The following IMMP2L variants were observed in gnomAD, a reference collection of about 807,000 sequenced individuals.
IMMP2L encodes inner mitochondrial membrane peptidase subunit 2, also known as mitochondrial inner membrane protease subunit 2.
A neutral mutation model predicts 19.3 loss-of-function variants in IMMP2L; 18 were observed. That is an observed-to-expected ratio of 0.93 (90% CI 0.64 to 1.38). IMMP2L has a LOEUF of 1.38. IMMP2L is among the 40% of genes most tolerant of loss of function. The probability of loss-of-function intolerance (pLI) is 0.00; values close to 1 mark genes in which losing one functional copy is unlikely to be tolerated. For missense variants in IMMP2L, 233 were observed against 218.2 expected, an observed-to-expected ratio of 1.07 and a Z score of -0.43; for synonymous variants, 76 against 73.0, an observed-to-expected ratio of 1.04 and a Z score of -0.21.
chr7:111,224,875 T>C (rs1467171821), intron 3 of IMMP2L, among the ~76,000 whole-genome samples: 1 of 152,210 alleles, frequency 6.6e-6, no homozygotes, highest in Middle Eastern at 3.4e-3. Context: ...GCAAGCAAAG[T>C]CTGTTTTATT....
chr7:110,783,931 T>C (rs1406602566), intron 5 of IMMP2L, among the ~76,000 whole-genome samples: 4 of 151,868 alleles, frequency 2.6e-5, no homozygotes, highest in East Asian at 3.9e-4. Flanking sequence ...TAAAAAGACA[T>C]TGGACTAGCC....
intron 3 of IMMP2L, among the ~76,000 whole-genome samples, chr7:111,399,781 T>C (rs37680): frequency 0.09 from 13,695 of 152,176 alleles, 754 homozygotes; most frequent in African/African-American, 0.14. Flanking sequence ...CATTTAAACA[T>C]GTACTAGCAT....
chr7:111,163,109 GA>G (rs1698503412), intron 3 of IMMP2L, among the ~76,000 whole-genome samples: 1 of 151,966 alleles, frequency 6.6e-6, no homozygotes, highest in Non-Finnish European at 1.5e-5. Flanking sequence ...TTTCCTCAAG[GA>G]CCTGAGCGCT....
chr7:111,207,533 GGT>G (rs1586830647), intron 3 of IMMP2L, among the ~76,000 whole-genome samples: 2 of 124,096 alleles, frequency 1.6e-5, no homozygotes, highest in African/African-American at 6.1e-5. Flanking sequence ...TTTTATTTTT[GGT>G]TTTTTTTTTT....
intron 4 of IMMP2L, among the ~76,000 whole-genome samples, chr7:110,934,033 G>A (rs1212245650): frequency 3.3e-5 from 5 of 152,090 alleles, no homozygotes; most frequent in East Asian, 1.9e-4. Context: ...ATTCTGGTAC[G>A]TTGTTTCTTT....
Position 111,521,436 on chromosome 7 carries a change from T to C in IMMP2L, c.12A>G (p.Ser4=), listed in dbSNP as rs747524015. Residue 4 remains serine, a synonymous_variant, in exon 2 of 6, where the codon TCA becomes TCG. Transcript: ENST00000405709. ...TGATGTATCTTTTCACCCACCCTTGTGACTGTGCCATACCTAAAAATACAA... is the reference window on the plus strand; with the variant it reads ...TGATGTATCTTTTCACCCACCCTTGCGACTGTGCCATACCTAAAAATACAA... MAQ[S]QGWVKRYIKA... The C allele has an allele frequency of 1.9e-6, 3 of 1,610,108 alleles. No homozygotes were observed. Among genetic ancestry groups the C allele is most frequent in the Non-Finnish European group, 2.5e-6 (3 of 1,178,438 alleles).
chr7:111,053,034 G>A (rs1248255854), intron 3 of IMMP2L, among the ~76,000 whole-genome samples: 1 of 152,142 alleles, frequency 6.6e-6, no homozygotes, highest in East Asian at 1.9e-4. Flanking sequence ...CTCAATTCTT[G>A]CCTTCTCAGA....
chr7:111,013,774 CGTTTA>C (rs1204165420), intron 3 of IMMP2L, among the ~76,000 whole-genome samples: 2 of 151,730 alleles, frequency 1.3e-5, no homozygotes, highest in Non-Finnish European at 2.9e-5. Context: ...ATCTTTTATT[CGTTTA>C]GTTTATCTGT....
intron 5 of IMMP2L, among the ~76,000 whole-genome samples, chr7:110,814,953 A>C (rs1802359078): frequency 6.6e-6 from 1 of 151,984 alleles, no homozygotes; most frequent in Admixed American, 6.6e-5. Context: ...TTTAGAAACA[A>C]AATACAATTG....
At chr7:111,068,326 C>T (rs1422413412) in intron 3 of IMMP2L, among the ~76,000 whole-genome samples, 1 of 152,032 alleles carries the variant, frequency 6.6e-6, no homozygotes, top group Admixed American at 6.5e-5. Flanking sequence ...TCATAATAAA[C>T]TTTGACAGAG....
At chr7:110,889,588 G>A (rs887733376) in intron 4 of IMMP2L, among the ~76,000 whole-genome samples, 5 of 152,266 alleles carry the variant, frequency 3.3e-5, no homozygotes, top group Non-Finnish European at 5.9e-5. Context: ...CTGCTGTGCC[G>A]CCCAGTTCCT....
At chr7:111,547,742 A>G (rs1391571243) in intron 1 of IMMP2L, among the ~76,000 whole-genome samples, 2 of 147,060 alleles carry the variant, frequency 1.4e-5, no homozygotes, top group Non-Finnish European at 3.0e-5. Flanking sequence ...TTTTTTTGAG[A>G]CAGGGTCTCA....
Position 110,849,192 on chromosome 7 carries a change from T to G in IMMP2L, c.408+37401A>C, listed in dbSNP as rs573699457. Among the ~76,000 whole-genome samples the G allele has an allele frequency of 2.6e-5, 4 of 152,112 alleles. No homozygotes were observed. The South Asian group carries it at 6.2e-4, about 24-fold the overall frequency. ...GTGAGGACAGAGGATATATGAGAAC[T>G]CTGTACTTTCTGCTCCATTTTGCTG... On this transcript the variant is annotated intron_variant, in intron 5 of 5. Transcript: ENST00000405709.
chr7:111,481,798 C>A (rs1335966171), intron 3 of IMMP2L, among the ~76,000 whole-genome samples: 1 of 152,102 alleles, frequency 6.6e-6, no homozygotes, highest in African/African-American at 2.4e-5. Context: ...TCCAGGGATA[C>A]AGCAGTGTAC....
chr7:111,481,856 A>G (rs1027862862), intron 3 of IMMP2L, among the ~76,000 whole-genome samples: 2 of 152,212 alleles, frequency 1.3e-5, no homozygotes, highest in African/African-American at 4.8e-5. Flanking sequence ...AATAAAATGT[A>G]TGTCACATGT....
At chr7:111,468,154 T>C (rs150197361) in intron 3 of IMMP2L, among the ~76,000 whole-genome samples, 8 of 152,284 alleles carry the variant, frequency 5.3e-5, no homozygotes, top group Admixed American at 1.3e-4. Flanking sequence ...AGGGGATCTA[T>C]TGTTTTCTTA....
intron 5 of IMMP2L, among the ~76,000 whole-genome samples, chr7:110,827,163 GACT>G (rs1165716219): frequency 6.6e-6 from 1 of 152,096 alleles, no homozygotes; most frequent in Non-Finnish European, 1.5e-5. Flanking sequence ...GGGGTTTATA[GACT>G]CCACTTAGAA....
chr7:110,843,790 T>C (rs56319512), intron 5 of IMMP2L, among the ~76,000 whole-genome samples: 10,645 of 152,180 alleles, frequency 0.07, 1,301 homozygotes, highest in African/African-American at 0.24. Flanking sequence ...ACCTGAAGGC[T>C]GAGGAAGGAA....
At chr7:111,318,496 T>C (rs1287877157) in intron 3 of IMMP2L, among the ~76,000 whole-genome samples, 1 of 152,132 alleles carries the variant, frequency 6.6e-6, no homozygotes, top group Non-Finnish European at 1.5e-5. Flanking sequence ...ATCATCATCA[T>C]TAAGAAGCCT....
Sources: allele counts gnomAD v4.1 joint callset (sites outside exome capture counted in the v4.1 genomes callset), GRCh38; gene constraint gnomAD v4.1.1; transcripts MANE v1.5; gene names NCBI Gene and HGNC (gene_info 2026-07-23, HGNC 2026-07-21).